The following DDX60L variants were observed in gnomAD, a reference collection of about 807,000 sequenced individuals.
DDX60L encodes the protein DExD/H-box 60 like, also known as probable ATP-dependent RNA helicase DDX60-like.
A neutral mutation model predicts 211.6 loss-of-function variants in DDX60L; 191 were observed. The ratio of observed to expected loss-of-function variants is 0.90; its 90% CI spans 0.80 to 1.02. DDX60L has a LOEUF of 1.02. Ranked by LOEUF, DDX60L falls within the 50% of genes least tolerant of loss-of-function variation. DDX60L has a pLI of 0.00. For synonymous variants in DDX60L, 706 were observed against 694.1 expected (o/e 1.02, Z -0.27); for missense variants, 2,007 against 1,984.1 (o/e 1.01, Z -0.22).
intron 25 of DDX60L, among the ~76,000 whole-genome samples, chr4:168,401,654 G>T (rs1305551126): frequency 1.3e-5 from 2 of 152,166 alleles, no homozygotes; most frequent in Admixed American, 1.3e-4. Context: ...AGAAAAAAAT[G>T]TTTTGGCTCA....
At position 168,421,901 on chromosome 4, in the gene DDX60L, G is replaced by A; in HGVS notation, c.2253C>T (p.Leu751=). ...ACTCATTCTTATCTACCACATCCAG[G>A]AGTTCCTGCTGCAGGGTACAAAGCA... is the stretch of plus-strand genomic sequence containing the variant. ...DFIPNAWQQE[L]LDVVDKNESA... The change falls in exon 17 of 38, where the codon CTC becomes CTT. Residue 751 remains leucine, a synonymous_variant. Coordinates refer to ENST00000682922, the MANE Select transcript of DDX60L (RefSeq NM_001012967.3). 6.2e-7 allele frequency: 1 copy of A among 1,614,092 alleles called. No homozygotes were observed. The highest frequency in any genetic ancestry group is 8.5e-7 in the Non-Finnish European group (1 of 1,180,002).
intron 4 of DDX60L, among the ~76,000 whole-genome samples, chr4:168,463,619 A>G (rs1757607300): frequency 6.6e-6 from 1 of 152,204 alleles, no homozygotes; most frequent in Admixed American, 6.5e-5. Flanking sequence ...TTTAAATGAT[A>G]TTGACACTCT....
chr4:168,449,012 T>C (rs527386619), intron 8 of DDX60L, among the ~76,000 whole-genome samples: 5 of 152,198 alleles, frequency 3.3e-5, no homozygotes, highest in Non-Finnish European at 7.3e-5. Flanking sequence ...ATTTACCTTA[T>C]AGTACGCTGT....
At chr4:168,470,139 C>T (rs1009000196) in intron 4 of DDX60L, 1 of 152,188 alleles carries the variant, frequency 6.6e-6, no homozygotes, top group Non-Finnish European at 1.5e-5. Flanking sequence ...CACTACACAT[C>T]CACCAGAATG....
At chr4:168,448,273 A>G (rs569849195) in intron 9 of DDX60L, among the ~76,000 whole-genome samples, 1 of 152,344 alleles carries the variant, frequency 6.6e-6, no homozygotes, top group African/African-American at 2.4e-5. Flanking sequence ...AAGGAAGGCA[A>G]AAATTATGTA....
chr4:168,429,529 G>C (rs1752015338), intron 13 of DDX60L, among the ~76,000 whole-genome samples: 1 of 152,130 alleles, frequency 6.6e-6, no homozygotes, highest in Non-Finnish European at 1.5e-5. Flanking sequence ...CTTGTTATCA[G>C]ATAAATCTAT....
At chr4:168,387,861 C>T (rs765476642) in intron 29 of DDX60L, among the ~76,000 whole-genome samples, 11 of 152,200 alleles carry the variant, frequency 7.2e-5, no homozygotes, top group Non-Finnish European at 1.6e-4. Context: ...CTCACATGGG[C>T]TGTGGGGTAG....
At chr4:168,423,866 A>C in intron 14 of DDX60L, 92 bp from the exon 15 acceptor site, 1 of 789,310 alleles carries the variant, frequency 1.3e-6, no homozygotes, top group Non-Finnish European at 1.9e-6. Flanking sequence ...AATTAACCTC[A>C]TGTGATTAAA....
At chr4:168,367,203 C>T (rs1422366654) in intron 36 of DDX60L, among the ~76,000 whole-genome samples, 1 of 152,074 alleles carries the variant, frequency 6.6e-6, no homozygotes, top group Non-Finnish European at 1.5e-5. Flanking sequence ...TTGGCTGTGT[C>T]TCCACACAAA....
At chr4:168,454,902 T>C (rs1366657268) in intron 7 of DDX60L, among the ~76,000 whole-genome samples, 1 of 151,298 alleles carries the variant, frequency 6.6e-6, no homozygotes. Flanking sequence ...CAAGTGAAAA[T>C]GTTGAGTTGG....
At position 168,422,670 on chromosome 4, in the gene DDX60L, T is replaced by G; in HGVS notation, c.2098A>C (p.Ile700Leu). ...DLANSLDPTL[I>L]GDDKNKKKYS... Reference sequence around the variant, plus strand: ...TTCTTCTTATTTTTGTCATCTCCTATCTGTTATTTTAATATATTATTTGAA... The same window carrying G: ...TTCTTCTTATTTTTGTCATCTCCTAGCTGTTATTTTAATATATTATTTGAA... The change falls in exon 16 of 38, where the codon ATA becomes CTA. Residue 700 changes from isoleucine to leucine, a missense_variant and splice_region_variant. By Grantham distance (5) the Ile-to-Leu change is conservative (BLOSUM62 2). Coordinates refer to ENST00000682922, the MANE Select transcript of DDX60L (RefSeq NM_001012967.3). 2.6e-6 allele frequency: 4 copies of G among 1,563,984 alleles called. No homozygotes were observed. The highest frequency in any genetic ancestry group is 3.5e-6 in the Non-Finnish European group (4 of 1,154,698).
At chr4:168,470,045 T>C (rs1758539703) in intron 4 of DDX60L, 1 of 152,228 alleles carries the variant, frequency 6.6e-6, no homozygotes, top group Non-Finnish European at 1.5e-5. Flanking sequence ...CAAGTCATAG[T>C]ATACAAATGA....
rs753559115 is a variant in DDX60L, at chr4:168,416,841, C to T, written c.2611-44G>A. ...TCAGTTGAAAAGTTGATGTCAAAAT[C>T]GTAAATAAAAAATAGAAGCATAAAA... On this transcript the variant is annotated intron_variant, in intron 19 of 37. Coordinates refer to ENST00000682922, the MANE Select transcript of DDX60L (RefSeq NM_001012967.3). 3.5e-5 allele frequency: 39 copies of T among 1,104,862 alleles called. No individual in the cohort carries two copies. In the South Asian group the frequency reaches 4.1e-4, roughly 12 times the overall value. The allele number at this position is 1,104,862 out of a possible 1,614,324, so 68.4% of individuals were successfully genotyped here. A position where few individuals can be genotyped will look rare whatever the true frequency, so the allele number is the denominator to read the frequency against.
chr4:168,431,407 T>C (rs1417298252), intron 12 of DDX60L, among the ~76,000 whole-genome samples: 1 of 152,164 alleles, frequency 6.6e-6, no homozygotes, highest in Non-Finnish European at 1.5e-5. Context: ...AGAATCTTCG[T>C]AGACACTTAC....
intron 25 of DDX60L, 113 bp from the exon 26 acceptor site, chr4:168,401,091 A>C: frequency 1.1e-6 from 1 of 950,710 alleles, no homozygotes; most frequent in Non-Finnish European, 1.5e-6. Context: ...ATCCTAGGCC[A>C]GGGCACTCTA....
At position 168,365,542 on chromosome 4, in the gene DDX60L, A is replaced by G. The variant is rs969100123; in HGVS notation, c.4929-4331T>C. On this transcript the variant is annotated intron_variant, in intron 36 of 37. Transcript: ENST00000682922. ...CTAGTAATCATAAGTTTTTCATCAG[A>G]AAAAAAAAAAAGCCCACGACTTAAT... Among the ~76,000 whole-genome samples, 16 of 145,908 alleles carry G rather than the reference A, an allele frequency of 1.1e-4. No individual in the cohort carries two copies. The East Asian group carries it at 3.1e-3, about 29-fold the overall frequency.
chr4:168,376,391 G>A (rs1741952259), intron 33 of DDX60L, among the ~76,000 whole-genome samples: 1 of 152,192 alleles, frequency 6.6e-6, no homozygotes, highest in Admixed American at 6.5e-5. Context: ...ATTCCTAGGA[G>A]CAAGTGTGAA....
rs771314317 is a variant in DDX60L at position 168,419,335 on chromosome 4, C to G, written c.2577G>C (p.Trp859Cys). Reference protein sequence around the residue: ...ILLLAPHRQKWVERIRYVIFD... With the variant: ...ILLLAPHRQKCVERIRYVIFD... ...ATATAACATATCTGATCCTTTCCAC[C>G]CATTTTTGGCGATGAGGAGCAAGCA... Residue 859 changes from tryptophan to cysteine, a missense_variant, in exon 19 of 38, where the codon TGG becomes TGC. Trp to Cys is a radical substitution (Grantham distance 215). Transcript: ENST00000682922. 1 of 1,599,122 alleles carries G rather than the reference C, an allele frequency of 6.3e-7. No homozygotes were observed. Among genetic ancestry groups the G allele is most frequent in the Non-Finnish European group, 8.5e-7 (1 of 1,171,724 alleles).
chr4:168,456,248 T>C, intron 6 of DDX60L, 96 bp from the exon 7 acceptor site: 1 of 617,192 alleles, frequency 1.6e-6, no homozygotes, highest in Non-Finnish European at 2.5e-6. Flanking sequence ...AGAAAACGAT[T>C]GTATAGATTT....
Sources: allele counts gnomAD v4.1 joint callset (sites outside exome capture counted in the v4.1 genomes callset), GRCh38; gene constraint gnomAD v4.1.1; transcripts MANE v1.5; gene names NCBI Gene and HGNC (gene_info 2026-07-23, HGNC 2026-07-21).